SLC35F1: variants seen among roughly 807,000 people sequenced by gnomAD.
The protein encoded by SLC35F1 is solute carrier family 35 member F1, also known as chromosome 6 open reading frame 169.
SLC35F1 carries 14 observed loss-of-function variants against 48.7 expected under a neutral mutation model. That is an observed-to-expected ratio of 0.29 (90% CI 0.19 to 0.45). The LOEUF (loss-of-function observed/expected upper bound fraction) is 0.45. SLC35F1 is among the 20% of genes least tolerant of loss of function. The pLI is 1.00. For synonymous variants in SLC35F1, 190 were observed against 202.2 expected, an observed-to-expected ratio of 0.94 and a Z score of 0.51; for missense variants, 404 against 500.0, an observed-to-expected ratio of 0.81 and a Z score of 1.83.
In SLC35F1 at chr6:118,225,822, G is replaced by A. The variant is rs980491868; in HGVS notation, c.350-9687G>A. On this transcript the variant is annotated intron_variant, in intron 2 of 7. Transcript: ENST00000360388. ...ACCCGGGAGGTGGAGCTTGCAGTGA[G>A]CCGAGATCAAGCCACTGCACTCCAG... Among the ~76,000 whole-genome samples, 79 of 149,476 alleles carry A rather than the reference G, an allele frequency of 5.3e-4. 3 individuals are homozygous for A. The highest frequency in any genetic ancestry group is 1.9e-4 in the Non-Finnish European group (13 of 67,808).
At chr6:118,236,489 T>A (rs2114584700) in intron 3 of SLC35F1, among the ~76,000 whole-genome samples, 2 of 152,294 alleles carry the variant, frequency 1.3e-5, no homozygotes, top group Non-Finnish European at 2.9e-5. Context: ...GTCTATTTGC[T>A]TACGAACAAT....
chr6:117,943,854 C>A (rs79604253), intron 1 of SLC35F1, among the ~76,000 whole-genome samples: 5,552 of 152,168 alleles, frequency 0.036, 124 homozygotes, highest in African/African-American at 0.06. Flanking sequence ...AGTTGTTTTT[C>A]TTTTGCCTAC....
At chr6:117,934,187 A>G (rs372264163) in intron 1 of SLC35F1, among the ~76,000 whole-genome samples, 2 of 152,164 alleles carry the variant, frequency 1.3e-5, no homozygotes, top group East Asian at 3.9e-4. Flanking sequence ...TTGTAAATCA[A>G]ACCCATAGCT....
chr6:117,919,906 G>A (rs924755529), intron 1 of SLC35F1, among the ~76,000 whole-genome samples: 1 of 152,146 alleles, frequency 6.6e-6, no homozygotes, highest in Non-Finnish European at 1.5e-5. Context: ...TTCAGGAAAG[G>A]GTTAGTGCCT....
chr6:118,246,246 G>A (rs1775505925), intron 3 of SLC35F1, among the ~76,000 whole-genome samples: 1 of 152,154 alleles, frequency 6.6e-6, no homozygotes, highest in Non-Finnish European at 1.5e-5. Flanking sequence ...AGTCAAGAAA[G>A]TCAGCTTTGG....
At chr6:117,996,662 AG>A (rs1226722145) in intron 1 of SLC35F1, among the ~76,000 whole-genome samples, 1 of 152,222 alleles carries the variant, frequency 6.6e-6, no homozygotes, top group Non-Finnish European at 1.5e-5. Context: ...GCTGATACCC[AG>A]GCACACAGGG....
At chr6:118,208,438 C>A (rs1774964548) in intron 2 of SLC35F1, among the ~76,000 whole-genome samples, 1 of 152,090 alleles carries the variant, frequency 6.6e-6, no homozygotes, top group Admixed American at 6.5e-5. Context: ...TTCCTTTGAC[C>A]AAGACATTTA....
intron 4 of SLC35F1, among the ~76,000 whole-genome samples, chr6:118,270,838 C>T (rs1775842740): frequency 6.6e-6 from 1 of 152,176 alleles, no homozygotes; most frequent in Non-Finnish European, 1.5e-5. Context: ...CAGGACTTCT[C>T]TGCTTGCCTG....
chr6:117,972,648 T>C (rs1305357355), intron 1 of SLC35F1, among the ~76,000 whole-genome samples: 1 of 152,170 alleles, frequency 6.6e-6, no homozygotes, highest in Non-Finnish European at 1.5e-5. Context: ...ACAGGGGAAC[T>C]GCCCTTTATA....
intron 3 of SLC35F1, among the ~76,000 whole-genome samples, chr6:118,260,168 A>G (rs1434242270): frequency 6.6e-6 from 1 of 152,166 alleles, no homozygotes; most frequent in Non-Finnish European, 1.5e-5. Flanking sequence ...TAGTCAGAAT[A>G]GGTAAATCCA....
At chr6:118,066,580 T>C (rs1480729215) in intron 1 of SLC35F1, among the ~76,000 whole-genome samples, 1 of 152,164 alleles carries the variant, frequency 6.6e-6, no homozygotes, top group East Asian at 1.9e-4. Flanking sequence ...AGATAAACTA[T>C]GCCTGGGCTC....
At chr6:118,200,109 C>T (rs542857320) in intron 2 of SLC35F1, among the ~76,000 whole-genome samples, 1 of 152,084 alleles carries the variant, frequency 6.6e-6, no homozygotes. Flanking sequence ...ACCATTCACA[C>T]TCTCACCAGC....
intron 2 of SLC35F1, among the ~76,000 whole-genome samples, chr6:118,181,474 G>A (rs1034428431): frequency 6.6e-6 from 1 of 151,960 alleles, no homozygotes; most frequent in African/African-American, 2.4e-5. Flanking sequence ...CTATTAGAGG[G>A]AAGACAATAA....
At chr6:118,203,159 C>A (rs1315934429) in intron 2 of SLC35F1, among the ~76,000 whole-genome samples, 1 of 152,192 alleles carries the variant, frequency 6.6e-6, no homozygotes, top group Non-Finnish European at 1.5e-5. Context: ...TCCTCATATT[C>A]ACTCCTAAGC....
intron 1 of SLC35F1, among the ~76,000 whole-genome samples, chr6:118,088,611 A>T (rs1025837819): frequency 1.6e-4 from 24 of 152,192 alleles, no homozygotes; most frequent in African/African-American, 5.8e-4. Flanking sequence ...TCTTATATTC[A>T]AAATAAATAG....
intron 1 of SLC35F1, among the ~76,000 whole-genome samples, chr6:118,091,174 C>G (rs1773068158): frequency 6.6e-6 from 1 of 152,116 alleles, no homozygotes; most frequent in Non-Finnish European, 1.5e-5. Flanking sequence ...TATATTTGGA[C>G]TTAGTAATAT....
At chr6:118,112,078 A>C (rs879741282) in intron 1 of SLC35F1, among the ~76,000 whole-genome samples, 4,963 of 131,232 alleles carry the variant, frequency 0.038, 136 homozygotes, top group African/African-American at 0.048. Context: ...CTTTTTCTTT[A>C]TTTCTTTCTT....
chr6:118,129,601 C>T (rs1189580913), intron 1 of SLC35F1, among the ~76,000 whole-genome samples: 1 of 152,004 alleles, frequency 6.6e-6, no homozygotes, highest in African/African-American at 2.4e-5. Flanking sequence ...TTGGCGGTTG[C>T]TGTAGGCGTA....
At chr6:118,069,429 G>T (rs1239281397) in intron 1 of SLC35F1, among the ~76,000 whole-genome samples, 6 of 152,160 alleles carry the variant, frequency 3.9e-5, no homozygotes, top group Non-Finnish European at 7.3e-5. Flanking sequence ...AGAAGAATCA[G>T]ATGTATTATT....
Sources: allele counts gnomAD v4.1 joint callset (sites outside exome capture counted in the v4.1 genomes callset), GRCh38; gene constraint gnomAD v4.1.1; transcripts MANE v1.5; gene names NCBI Gene and HGNC (gene_info 2026-07-23, HGNC 2026-07-21).